NSD1: variants seen among roughly 807,000 people sequenced by gnomAD.
NSD1 encodes histone-lysine N-methyltransferase, H3 lysine-36 specific.
In NSD1, 26 loss-of-function variants were observed where a neutral mutation model predicts 242.7. The observed-to-expected ratio is 0.11, with a 90% CI of 0.08 to 0.15. The LOEUF is 0.15. Ranked by LOEUF, NSD1 falls within the 10% of genes least tolerant of loss-of-function variation. The probability of loss-of-function intolerance (pLI) is 1.00; values close to 1 mark genes in which losing one functional copy is unlikely to be tolerated. For synonymous variants in NSD1, 1,106 were observed against 1,178.1 expected, an observed-to-expected ratio of 0.94 and a Z score of 1.25; for missense variants, 2,495 against 3,272.8, an observed-to-expected ratio of 0.76 and a Z score of 5.80.
At chr5:177,150,519 T>G (rs1301662018) in intron 2 of NSD1, among the ~76,000 whole-genome samples, 2 of 146,890 alleles carry the variant, frequency 1.4e-5, no homozygotes, top group African/African-American at 4.9e-5. Flanking sequence ...TTTCCCTTAG[T>G]AAAACACAAA....
intron 3 of NSD1, among the ~76,000 whole-genome samples, chr5:177,201,206 T>G (rs1762485886): frequency 6.6e-6 from 1 of 152,016 alleles, no homozygotes; most frequent in Non-Finnish European, 1.5e-5. Flanking sequence ...GTGTCTTTTT[T>G]GTTGTTTTTT....
intron 12 of NSD1, among the ~76,000 whole-genome samples, chr5:177,256,537 C>G (rs1486521824): frequency 6.6e-6 from 1 of 152,212 alleles, no homozygotes; most frequent in Non-Finnish European, 1.5e-5. Context: ...CTCACCTCAG[C>G]CTCCTGAAGT....
In NSD1 at chr5:177,251,695, G is replaced by GATTCT. The variant is rs773898978; in HGVS notation, c.4642-35_4642-34insATTCT. On this transcript the variant is annotated intron_variant, in intron 11 of 22. Transcript: ENST00000439151. ...GGTTTTACTCTTGATTCTCAAACAT[G>GATTCT]GAAAAACAGATAGATGTTTTCTTTC... is the stretch of plus-strand genomic sequence containing the variant. The GATTCT allele has an allele frequency of 5.0e-6, 8 of 1,611,770 alleles. No homozygotes were observed. In the South Asian group the frequency reaches 8.8e-5, roughly 18 times the overall value.
chr5:177,254,761 A>G (rs1195605229), intron 12 of NSD1, among the ~76,000 whole-genome samples: 1 of 146,162 alleles, frequency 6.8e-6, no homozygotes, highest in African/African-American at 2.6e-5. Flanking sequence ...TTTTAGTTTC[A>G]CATTTCACTA....
intron 17 of NSD1, among the ~76,000 whole-genome samples, chr5:177,276,347 CAG>C (rs1257095538): frequency 6.7e-6 from 1 of 149,310 alleles, no homozygotes; most frequent in Non-Finnish European, 1.5e-5. Flanking sequence ...CCCCCTGAGA[CAG>C]AGTCTCACTC....
At chr5:177,255,664 C>T (rs1204753853) in intron 12 of NSD1, among the ~76,000 whole-genome samples, 2 of 152,060 alleles carry the variant, frequency 1.3e-5, no homozygotes, top group Non-Finnish European at 2.9e-5. Flanking sequence ...CTCACTGCAA[C>T]CTCCACCTCC....
At chr5:177,163,813 T>C (rs72813152) in intron 2 of NSD1, among the ~76,000 whole-genome samples, 617 of 152,274 alleles carry the variant, frequency 4.1e-3, no homozygotes, top group Non-Finnish European at 6.7e-3. Context: ...CTTAGAGAGA[T>C]TTAAGTGGTT....
intron 16 of NSD1, among the ~76,000 whole-genome samples, chr5:177,271,205 T>G (rs1757919706): frequency 6.6e-6 from 1 of 152,182 alleles, no homozygotes; most frequent in Admixed American, 6.5e-5. Flanking sequence ...GATTTTGGTA[T>G]TATTAATATT....
chr5:177,201,125 G>C (rs1188924110), intron 3 of NSD1, among the ~76,000 whole-genome samples: 2 of 152,100 alleles, frequency 1.3e-5, no homozygotes, highest in African/African-American at 4.8e-5. Context: ...GACCTCTGGT[G>C]ATCTGCCTGC....
intron 5 of NSD1, among the ~76,000 whole-genome samples, chr5:177,220,731 T>C (rs1421369622): frequency 1.3e-5 from 2 of 151,732 alleles, no homozygotes; most frequent in Non-Finnish European, 2.9e-5. Context: ...CCAACACGCT[T>C]GGCTAATTTT....
At chr5:177,273,033 T>C (rs935234837) in intron 16 of NSD1, among the ~76,000 whole-genome samples, 1 of 151,654 alleles carries the variant, frequency 6.6e-6, no homozygotes, top group Non-Finnish European at 1.5e-5. Context: ...CAGAGGAGAG[T>C]GAGCACAATA....
intron 14 of NSD1, chr5:177,265,914 C>T (rs1581484767): frequency 3.4e-6 from 5 of 1,453,960 alleles, no homozygotes; most frequent in East Asian, 4.5e-5. Flanking sequence ...TCCACCTTGA[C>T]GGTGTAGATG....
intron 5 of NSD1, among the ~76,000 whole-genome samples, chr5:177,213,924 GTCT>G (rs1156459576): frequency 6.6e-6 from 1 of 151,586 alleles, no homozygotes; most frequent in Non-Finnish European, 1.5e-5. Flanking sequence ...CAGTTCTTCT[GTCT>G]TCTTCTAAAA....
intron 3 of NSD1, among the ~76,000 whole-genome samples, chr5:177,196,448 G>A (rs1051923975): frequency 3.9e-5 from 6 of 152,130 alleles, no homozygotes; most frequent in Non-Finnish European, 5.9e-5. Flanking sequence ...AATAAAAACA[G>A]ATGAGGAGGT....
chr5:177,261,261 G>A (rs1007376928), intron 14 of NSD1, among the ~76,000 whole-genome samples: 4 of 29,416 alleles, frequency 1.4e-4, no homozygotes, highest in Non-Finnish European at 3.5e-4. Flanking sequence ...TTTTTTTTTT[G>A]TAGAGATGGG....
At chr5:177,180,044 G>A (rs1049557940) in intron 2 of NSD1, among the ~76,000 whole-genome samples, 2 of 151,756 alleles carry the variant, frequency 1.3e-5, no homozygotes, top group Non-Finnish European at 2.9e-5. Context: ...GGGATTACAG[G>A]CACCTGCCAA....
intron 14 of NSD1, chr5:177,265,754 G>A (rs1757380278): frequency 4.6e-6 from 7 of 1,517,834 alleles, no homozygotes; most frequent in South Asian, 1.1e-5. Context: ...CTTCCAGTGC[G>A]TGTACAGGGA....
At chr5:177,221,477 C>T (rs1440688659) in intron 5 of NSD1, among the ~76,000 whole-genome samples, 1 of 151,656 alleles carries the variant, frequency 6.6e-6, no homozygotes, top group African/African-American at 2.4e-5. Context: ...TTTTTTCCCC[C>T]CAATTTTTTT....
In NSD1 at chr5:177,209,945, A is replaced by G. The variant is rs200701215; in HGVS notation, c.1546A>G (p.Ile516Val). ...AAGGACTAGTGTGAAAAAGGGCCAC[A>G]TACAATTTGAAGCACATAAAGATGA... ...PKRTSVKKGHIQFEAHKDERR... is the reference protein window; with the variant it reads ...PKRTSVKKGHVQFEAHKDERR... The change falls in exon 5 of 23, where the codon ATA becomes GTA. Residue 516 changes from isoleucine (I) to valine (V), a missense_variant. This residue lies in a region of NSD1 where 515 missense variants were observed against 467.0 expected (regional missense o/e 1.10). Transcript: ENST00000439151. 9 of 1,614,032 alleles carry G rather than the reference A, an allele frequency of 5.6e-6. No individual in the cohort carries two copies. In the African/African-American group the frequency reaches 9.3e-5, roughly 17 times the overall value.
Sources: allele counts gnomAD v4.1 joint callset (sites outside exome capture counted in the v4.1 genomes callset), GRCh38; gene constraint gnomAD v4.1.1; regional missense constraint gnomAD v4.1.1; transcripts MANE v1.5; gene names NCBI Gene and HGNC (gene_info 2026-07-23, HGNC 2026-07-21).